IKZF3: variants seen among roughly 807,000 people sequenced by gnomAD.
IKZF3 encodes zinc finger protein Aiolos.
IKZF3 carries 10 observed loss-of-function variants against 49.0 expected under a neutral mutation model. The observed-to-expected ratio is 0.20, with a 90% CI of 0.13 to 0.35. IKZF3 has a LOEUF of 0.35. Ranked by LOEUF, IKZF3 falls within the 10% of genes least tolerant of loss-of-function variation. The pLI is 1.00. For missense variants in IKZF3, 498 were observed against 664.8 expected, an observed-to-expected ratio of 0.75 and a Z score of 2.76; for synonymous variants, 209 against 228.2, an observed-to-expected ratio of 0.92 and a Z score of 0.76.
chr17:39,835,075 C>G (rs12945253), intron 1 of IKZF3: 17,313 of 425,840 alleles, frequency 0.041, 613 homozygotes, highest in African/African-American at 0.12. Flanking sequence ...CTGGAGCCCC[C>G]GCCAGAGCCA....
intron 1 of IKZF3, among the ~76,000 whole-genome samples, chr17:39,848,402 G>A (rs1415348771): frequency 1.3e-5 from 2 of 152,150 alleles, no homozygotes; most frequent in Non-Finnish European, 2.9e-5. Context: ...TATATCACAT[G>A]CTACCAAATG....
intron 1 of IKZF3, chr17:39,835,446 C>G (rs1233369931): frequency 2.2e-6 from 1 of 463,960 alleles, no homozygotes; most frequent in Admixed American, 2.4e-5. Flanking sequence ...GGCCCTCTGT[C>G]TCAGACTGGA....
intron 1 of IKZF3, among the ~76,000 whole-genome samples, chr17:39,853,821 C>G (rs536444630): frequency 6.9e-6 from 1 of 145,052 alleles, no homozygotes; most frequent in Non-Finnish European, 1.5e-5. Flanking sequence ...GCAACAAGAG[C>G]GAAACTCCGT....
At chr17:39,769,014 T>A (rs1208510819) in intron 7 of IKZF3, among the ~76,000 whole-genome samples, 2 of 152,196 alleles carry the variant, frequency 1.3e-5, no homozygotes, top group Non-Finnish European at 2.9e-5. Flanking sequence ...TAAGTCTAAA[T>A]TTTTCTCCTT....
At chr17:39,795,292 G>T (rs1448815151) in intron 3 of IKZF3, among the ~76,000 whole-genome samples, 1 of 152,230 alleles carries the variant, frequency 6.6e-6, no homozygotes. Context: ...GGGCATTAGA[G>T]AAGTCCTTTG....
At chr17:39,797,767 C>A (rs780888835) in intron 3 of IKZF3, among the ~76,000 whole-genome samples, 3 of 152,022 alleles carry the variant, frequency 2.0e-5, no homozygotes, top group Non-Finnish European at 4.4e-5. Context: ...TCTTTCCTTG[C>A]CTTTCTGATT....
chr17:39,859,156 T>G (rs1337207291), intron 1 of IKZF3, among the ~76,000 whole-genome samples: 1 of 151,840 alleles, frequency 6.6e-6, no homozygotes, highest in Non-Finnish European at 1.5e-5. Flanking sequence ...ACTTTTAATT[T>G]TGGATGCAAA....
chr17:39,849,116 T>C (rs2062719474), intron 1 of IKZF3, among the ~76,000 whole-genome samples: 1 of 152,150 alleles, frequency 6.6e-6, no homozygotes, highest in African/African-American at 2.4e-5. Context: ...TGGGATAAAG[T>C]ATTTGTATTA....
At position 39,766,004 on chromosome 17, in the gene IKZF3, A is replaced by G. The variant is rs1185338585; in HGVS notation, c.1316T>C (p.Val439Ala). ...KPPPICPRDS[V>A]KVINKEGEVM... ...CTCCCCTTCCTTGTTGATCACTTTGACGGAGTCTCTTGGGCAGATGGGCGG... is the reference window on the plus strand; with the variant it reads ...CTCCCCTTCCTTGTTGATCACTTTGGCGGAGTCTCTTGGGCAGATGGGCGG... The change falls in exon 8 of 8, where the codon GTC becomes GCC. Residue 439 changes from valine to alanine, a missense_variant. Val to Ala is a moderately conservative substitution (Grantham distance 64). Coordinates refer to ENST00000346872, the MANE Select transcript of IKZF3 (RefSeq NM_012481.5). 1.9e-6 allele frequency: 3 copies of G among 1,614,196 alleles called. No individual in the cohort carries two copies. In the East Asian group the frequency reaches 6.7e-5, roughly 36 times the overall value.
chr17:39,860,002 C>T (rs191690118), intron 1 of IKZF3, among the ~76,000 whole-genome samples: 6 of 152,146 alleles, frequency 3.9e-5, no homozygotes, highest in African/African-American at 1.2e-4. Context: ...AAGGTTGAGG[C>T]GGAAGGATCA....
At position 39,760,736 on chromosome 17, in the gene IKZF3, T is replaced by TG. The variant is rs2060164586; in HGVS notation, c.*5053_*5054insC. 2 of 152,290 alleles carry TG rather than the reference T, an allele frequency of 1.3e-5. No homozygotes were observed. Among genetic ancestry groups the TG allele is most frequent in the South Asian group, 4.1e-4 (2 of 4,838 alleles). The allele number at this position is 152,290 out of a possible 1,614,324, so 9.4% of individuals were successfully genotyped here. The stretch of plus-strand genomic sequence containing the variant: ...TGCTACCTGGAAAAACTTTGTTCTG[T>TG]CTGTTCCTCACGAAACAAAGCCGAA... On this transcript the variant is annotated 3_prime_UTR_variant, in exon 8 of 8. Coordinates refer to ENST00000346872, the MANE Select transcript of IKZF3 (RefSeq NM_012481.5).
At chr17:39,813,902 C>T (rs1326384443) in intron 3 of IKZF3, among the ~76,000 whole-genome samples, 1 of 152,196 alleles carries the variant, frequency 6.6e-6, no homozygotes, top group Non-Finnish European at 1.5e-5. Flanking sequence ...GTGTACTAAG[C>T]AGTACCGCGG....
chr17:39,784,037 T>G (rs1056728403), intron 6 of IKZF3, among the ~76,000 whole-genome samples: 1 of 152,260 alleles, frequency 6.6e-6, no homozygotes, highest in Non-Finnish European at 1.5e-5. Context: ...GTAAGTTTAT[T>G]CTGAAGCCCT....
In IKZF3 at chr17:39,757,808, G is replaced by A. The variant is rs962491783; in HGVS notation, c.*7982C>T. 10 of 152,172 alleles carry A rather than the reference G, an allele frequency of 6.6e-5. No individual in the cohort carries two copies. Among genetic ancestry groups the A allele is most frequent in the African/African-American group, 1.9e-4 (8 of 41,408 alleles). The allele number at this position is 152,172 out of a possible 1,614,324, so 9.4% of individuals were successfully genotyped here. A position where few individuals can be genotyped will look rare whatever the true frequency, so the allele number is the denominator to read the frequency against. On this transcript the variant is annotated 3_prime_UTR_variant, in exon 8 of 8. Transcript: ENST00000346872. ...TATCAGCAGGGCTATTTCTTACAGGGTTCCAGCAAGGGTTAGCATTGTTAC... is the reference window on the plus strand; with the variant it reads ...TATCAGCAGGGCTATTTCTTACAGGATTCCAGCAAGGGTTAGCATTGTTAC...
At chr17:39,772,958 G>A (rs2060481884) in intron 7 of IKZF3, among the ~76,000 whole-genome samples, 1 of 152,098 alleles carries the variant, frequency 6.6e-6, no homozygotes, top group Non-Finnish European at 1.5e-5. Context: ...TGGGATTACA[G>A]GCACCCACCA....
intron 1 of IKZF3, among the ~76,000 whole-genome samples, chr17:39,832,704 G>C (rs1402108528): frequency 6.6e-6 from 1 of 152,070 alleles, no homozygotes; most frequent in Admixed American, 6.5e-5. Context: ...GTGGAAAGTA[G>C]AATGATAGAC....
chr17:39,794,353 A>G (rs1314117199), intron 3 of IKZF3, among the ~76,000 whole-genome samples: 2 of 152,242 alleles, frequency 1.3e-5, no homozygotes. Flanking sequence ...GTCTGAAAAA[A>G]GATATTTTAA....
chr17:39,766,307 A>G lies in IKZF3; in HGVS notation c.1013T>C (p.Ile338Thr). 1 of 1,614,202 alleles carries G rather than the reference A, an allele frequency of 6.2e-7. No individual in the cohort carries two copies. The highest frequency in any genetic ancestry group is 1.3e-5 in the African/African-American group (1 of 75,050). Residue 338 changes from isoleucine (I) to threonine (T), a missense_variant, in exon 8 of 8, where the codon ATC (isoleucine) becomes ACC (threonine). This residue lies in a region of IKZF3 where 317 missense variants were observed against 397.3 expected (regional missense o/e 0.80). Transcript: ENST00000346872. The part of the protein sequence containing the change: ...PAPTSEMVPV[I>T]SSMYPIALTR... The stretch of plus-strand genomic sequence containing the variant: ...GAGGGCTATGGGATACATGCTGCTG[A>G]TAACTGGAACCATCTCCGAGGTGGG...
In IKZF3 at chr17:39,763,316, T is replaced by C. The variant is rs970393761; in HGVS notation, c.*2474A>G. 4.6e-5 allele frequency: 7 copies of C among 152,042 alleles called. No homozygotes were observed. Among genetic ancestry groups the C allele is most frequent in the Admixed American group, 2.6e-4 (4 of 15,256 alleles). The allele number at this position is 152,042 out of a possible 1,614,324, so 9.4% of individuals were successfully genotyped here. On this transcript the variant is annotated 3_prime_UTR_variant, in exon 8 of 8. Transcript: ENST00000346872. ...TAATTACTGGCAGCACATAGACGAG[T>C]TGAGTTGGAGCCGAATGCATAAGCC... is the stretch of plus-strand genomic sequence containing the variant.
Sources: gnomAD v4.1 joint callset for allele counts (sites outside exome capture counted in the v4.1 genomes callset) on GRCh38, gnomAD v4.1.1 for gene constraint, gnomAD v4.1.1 regional missense constraint, MANE v1.5 for transcripts, NCBI Gene and HGNC (gene_info 2026-07-23, HGNC 2026-07-21) for gene names.